CNTNAP5: variants seen among roughly 807,000 people sequenced by gnomAD.
The protein encoded by CNTNAP5 is contactin-associated protein-like 5.
CNTNAP5 carries 72 observed loss-of-function variants against 150.2 expected under a neutral mutation model. That is an observed-to-expected ratio of 0.48 (90% confidence interval 0.40 to 0.58). The LOEUF is 0.58. Among genes scored for constraint, CNTNAP5 ranks in the 20% least tolerant of loss-of-function variants. CNTNAP5 has a pLI of 0.00. For missense variants in CNTNAP5, 1,636 were observed against 1,626.2 expected (o/e 1.01, Z -0.10); for synonymous variants, 672 against 619.8 (o/e 1.08, Z -1.25).
At chr2:124,228,460 C>A (rs1180012261) in intron 2 of CNTNAP5, among the ~76,000 whole-genome samples, 1 of 152,176 alleles carries the variant, frequency 6.6e-6, no homozygotes, top group Non-Finnish European at 1.5e-5. Context: ...GAAACCATCA[C>A]AATGTCTTAC....
Position 124,048,111 on chromosome 2 carries a change from C to A in CNTNAP5, c.82+22379C>A, listed in dbSNP as rs138631075. On this transcript the variant is annotated intron_variant, in intron 1 of 23. Coordinates refer to ENST00000682447, the MANE Select transcript of CNTNAP5 (RefSeq NM_001367498.1). ...ACATTCTGCCTGTTTTACTAGTATT[C>A]TTGTCATATGCATATCTTTAATCTT... 3.3e-5 allele frequency among the ~76,000 whole-genome samples: 5 copies of A among 152,250 alleles called. No homozygotes were observed. The East Asian group carries it at 9.7e-4, about 29-fold the overall frequency.
At chr2:124,824,601 C>G (rs1191549381) in intron 19 of CNTNAP5, among the ~76,000 whole-genome samples, 1 of 152,090 alleles carries the variant, frequency 6.6e-6, no homozygotes, top group Non-Finnish European at 1.5e-5. Context: ...TTGTCAATTA[C>G]TTAAGTAATA....
intron 3 of CNTNAP5, among the ~76,000 whole-genome samples, chr2:124,330,915 A>G (rs1024768308): frequency 6.6e-6 from 1 of 152,154 alleles, no homozygotes; most frequent in African/African-American, 2.4e-5. Context: ...ATTCATAAAA[A>G]TTATAACCTC....
At chr2:124,136,832 G>C (rs4456715) in intron 1 of CNTNAP5, among the ~76,000 whole-genome samples, 45,775 of 152,054 alleles carry the variant, frequency 0.3, 7,467 homozygotes, top group Admixed American at 0.38. Context: ...CTTGGAAGTG[G>C]CCCTTCATCA....
At chr2:124,100,521 A>AT (rs1573753531) in intron 1 of CNTNAP5, among the ~76,000 whole-genome samples, 1 of 152,064 alleles carries the variant, frequency 6.6e-6, no homozygotes, top group South Asian at 2.1e-4. Flanking sequence ...AGAGTCTGGA[A>AT]TTTTTTTTCT....
At chr2:124,108,224 C>T (rs911610316) in intron 1 of CNTNAP5, among the ~76,000 whole-genome samples, 11 of 152,236 alleles carry the variant, frequency 7.2e-5, no homozygotes, top group African/African-American at 2.4e-4. Flanking sequence ...AGAGCTCTAA[C>T]TTCATATAAT....
At chr2:124,338,441 T>A (rs1435350707) in intron 3 of CNTNAP5, among the ~76,000 whole-genome samples, 1 of 152,198 alleles carries the variant, frequency 6.6e-6, no homozygotes, top group Non-Finnish European at 1.5e-5. Context: ...CCCTGTCTTA[T>A]AAGGAGTTCT....
intron 1 of CNTNAP5, among the ~76,000 whole-genome samples, chr2:124,101,726 C>T (rs1269294008): frequency 6.6e-6 from 1 of 152,174 alleles, no homozygotes; most frequent in Non-Finnish European, 1.5e-5. Flanking sequence ...CAGCACATGC[C>T]TCAGAATATC....
chr2:124,391,067 C>A (rs1691097751), intron 3 of CNTNAP5, among the ~76,000 whole-genome samples: 1 of 152,312 alleles, frequency 6.6e-6, no homozygotes, highest in East Asian at 1.9e-4. Flanking sequence ...TGCATATTAA[C>A]TAAGATGTGG....
intron 1 of CNTNAP5, among the ~76,000 whole-genome samples, chr2:124,118,458 C>T (rs370975494): frequency 6.6e-6 from 1 of 152,178 alleles, no homozygotes; most frequent in East Asian, 1.9e-4. Flanking sequence ...GATTCAAAAG[C>T]ACTGAGCCTT....
At chr2:124,153,559 C>G (rs1684452759) in intron 1 of CNTNAP5, among the ~76,000 whole-genome samples, 1 of 149,686 alleles carries the variant, frequency 6.7e-6, no homozygotes, top group South Asian at 2.1e-4. Flanking sequence ...GTCATCACCT[C>G]TCTATACCTT....
At chr2:124,088,852 A>G (rs1682756557) in intron 1 of CNTNAP5, among the ~76,000 whole-genome samples, 2 of 152,174 alleles carry the variant, frequency 1.3e-5, no homozygotes, top group South Asian at 4.1e-4. Context: ...AATCTCATGG[A>G]CGTGGAAGTG....
chr2:124,346,963 C>T (rs1395478150), intron 3 of CNTNAP5, among the ~76,000 whole-genome samples: 3 of 150,280 alleles, frequency 2.0e-5, no homozygotes, highest in Non-Finnish European at 3.0e-5. Flanking sequence ...GTGGTGCGTG[C>T]CTGTAGTCCC....
At chr2:124,540,057 G>T (rs1420312222) in intron 10 of CNTNAP5, among the ~76,000 whole-genome samples, 2 of 152,168 alleles carry the variant, frequency 1.3e-5, no homozygotes, top group African/African-American at 4.8e-5. Flanking sequence ...TTAATTGGGA[G>T]AATGCAGATT....
At chr2:124,574,510 C>G (rs1278724730) in intron 11 of CNTNAP5, among the ~76,000 whole-genome samples, 1 of 152,202 alleles carries the variant, frequency 6.6e-6, no homozygotes, top group East Asian at 1.9e-4. Context: ...TTAATTTACA[C>G]TGTTACCTCA....
chr2:124,237,645 T>G (rs745699584), intron 2 of CNTNAP5, among the ~76,000 whole-genome samples: 4 of 152,128 alleles, frequency 2.6e-5, no homozygotes, highest in Non-Finnish European at 4.4e-5. Flanking sequence ...GAGAGCAGTC[T>G]GGCCAACATG....
intron 3 of CNTNAP5, among the ~76,000 whole-genome samples, chr2:124,360,705 AG>A (rs1214854702): frequency 8.4e-6 from 1 of 118,674 alleles, no homozygotes; most frequent in Non-Finnish European, 1.8e-5. Context: ...CTTCCCTTTG[AG>A]GGTAACCCGA....
At chr2:124,148,437 C>A (rs1684309470) in intron 1 of CNTNAP5, among the ~76,000 whole-genome samples, 1 of 144,518 alleles carries the variant, frequency 6.9e-6, no homozygotes, top group Non-Finnish European at 1.5e-5. Flanking sequence ...TTGTTTCCTG[C>A]CGTATCGTCA....
chr2:124,645,103 A>G (rs1455885781), intron 12 of CNTNAP5, among the ~76,000 whole-genome samples: 2 of 152,176 alleles, frequency 1.3e-5, no homozygotes, highest in Admixed American at 6.5e-5. Context: ...ACAATGTTTC[A>G]TTATTGATGG....
Sources: allele counts gnomAD v4.1 joint callset (sites outside exome capture counted in the v4.1 genomes callset), GRCh38; gene constraint gnomAD v4.1.1; transcripts MANE v1.5; gene names NCBI Gene and HGNC (gene_info 2026-07-23, HGNC 2026-07-21).